The following NKD1 variants were observed in gnomAD, a reference collection of about 807,000 sequenced individuals.
The protein encoded by NKD1 is NKD inhibitor of Wnt signaling pathway 1.
In NKD1, 21 loss-of-function variants were observed where a neutral mutation model predicts 56.0. The ratio of observed to expected loss-of-function variants is 0.38; its 90% confidence interval spans 0.27 to 0.54. The LOEUF (loss-of-function observed/expected upper bound fraction) is 0.54, where lower values mean the gene tolerates loss of function less well. Among genes scored for constraint, NKD1 ranks in the 20% least tolerant of loss-of-function variants. NKD1 has a pLI of 0.82. For synonymous variants in NKD1, 263 were observed against 265.7 expected, an observed-to-expected ratio of 0.99 and a Z score of 0.10; for missense variants, 578 against 642.7, an observed-to-expected ratio of 0.90 and a Z score of 1.09.
intron 3 of NKD1, chr16:50,574,499 C>T: frequency 1.0e-6 from 1 of 985,448 alleles, no homozygotes; most frequent in African/African-American, 1.7e-5. Flanking sequence ...CATTTTGCTC[C>T]TCCTGCTGCT....
chr16:50,570,973 GTATCC>G, intron 3 of NKD1: 2 of 985,434 alleles, frequency 2.0e-6, no homozygotes, highest in Non-Finnish European at 2.4e-6. Flanking sequence ...CTGGCTGGTG[GTATCC>G]TTCACTGGGC....
At chr16:50,630,776 G>A in intron 7 of NKD1, 50 bp from the exon 8 acceptor site, 1 of 1,491,046 alleles carries the variant, frequency 6.7e-7, no homozygotes, top group Non-Finnish European at 9.1e-7. Flanking sequence ...GGGGAGGGTG[G>A]GAGCAGGCAG....
chr16:50,564,506 T>A (rs1055832551), intron 3 of NKD1, among the ~76,000 whole-genome samples: 12 of 152,180 alleles, frequency 7.9e-5, no homozygotes, highest in African/African-American at 2.2e-4. Context: ...TCAAAATTAT[T>A]ATTATGGGGA....
Position 50,638,442 on chromosome 16 carries a change from C to T in NKD1, c.*4661C>T, listed in dbSNP as rs1454076569. On this transcript the variant is annotated 3_prime_UTR_variant, in exon 10 of 10. Coordinates refer to ENST00000268459, the MANE Select transcript of NKD1 (RefSeq NM_033119.5). ...CTCGGCCTCCCCAGACCAGCTGCAC[C>T]CAGCCCCCAACACGCACCCCTTCTC... 1.3e-5 allele frequency: 2 copies of T among 152,734 alleles called. No individual in the cohort carries two copies. Among genetic ancestry groups the T allele is most frequent in the Admixed American group, 1.3e-4 (2 of 15,288 alleles). 9.5% of individuals were successfully genotyped at this position (152,734 alleles called of 1,614,324 possible).
chr16:50,644,682 C>T lies in NKD1; in HGVS notation c.*10901C>T, dbSNP rs1412842660. 3 of 152,236 alleles carry T rather than the reference C, an allele frequency of 2.0e-5. No individual in the cohort carries two copies. Among genetic ancestry groups the T allele is most frequent in the African/African-American group, 7.2e-5 (3 of 41,458 alleles). 9.4% of individuals were successfully genotyped at this position (152,236 alleles called of 1,614,324 possible). A position where few individuals can be genotyped will look rare whatever the true frequency, so the allele number is the denominator to read the frequency against. ...TCAAGTCCCCTGGCCAGATCCTCTC[C>T]AGATGGGCCCCTGGCCATCTTAGCC... On this transcript the variant is annotated 3_prime_UTR_variant, in exon 10 of 10. Coordinates refer to ENST00000268459, the MANE Select transcript of NKD1 (RefSeq NM_033119.5).
chr16:50,631,999 C>G (rs893933256), intron 8 of NKD1, among the ~76,000 whole-genome samples: 16 of 152,356 alleles, frequency 1.1e-4, no homozygotes, highest in African/African-American at 3.6e-4. Flanking sequence ...TAACCTCTCA[C>G]GTTTGCTTTG....
chr16:50,643,132 C>T lies in NKD1; in HGVS notation c.*9351C>T, dbSNP rs1962613685. The T allele has an allele frequency of 6.6e-6, 1 of 152,212 alleles. No individual in the cohort carries two copies. Among genetic ancestry groups the T allele is most frequent in the Non-Finnish European group, 1.5e-5 (1 of 68,042 alleles). The allele number at this position is 152,212 out of a possible 1,614,324, so 9.4% of individuals were successfully genotyped here. A position where few individuals can be genotyped will look rare whatever the true frequency, so the allele number is the denominator to read the frequency against. ...ATGCTTCGCTACCCTACATCTGGGT[C>T]TGTCCTTGCCCAACTCCTAAGCTGC... On this transcript the variant is annotated 3_prime_UTR_variant, in exon 10 of 10. Coordinates refer to ENST00000268459, the MANE Select transcript of NKD1 (RefSeq NM_033119.5).
chr16:50,594,961 A>G (rs145389971), intron 3 of NKD1, among the ~76,000 whole-genome samples: 11 of 152,332 alleles, frequency 7.2e-5, no homozygotes, highest in African/African-American at 2.6e-4. Context: ...AAGTCCACGC[A>G]GCATTCCCCA....
intron 3 of NKD1, among the ~76,000 whole-genome samples, chr16:50,599,193 G>GGGAA (rs1236685372): frequency 6.6e-6 from 1 of 152,154 alleles, no homozygotes; most frequent in Non-Finnish European, 1.5e-5. Flanking sequence ...GAGCATGTGA[G>GGGAA]GGAAGAGAAT....
intron 3 of NKD1, among the ~76,000 whole-genome samples, chr16:50,599,472 C>G (rs1426383414): frequency 6.6e-6 from 1 of 152,202 alleles, no homozygotes; most frequent in African/African-American, 2.4e-5. Context: ...CACTTAACCT[C>G]TCTAAGCCTC....
intron 3 of NKD1, among the ~76,000 whole-genome samples, chr16:50,559,527 C>T (rs1431474137): frequency 6.6e-6 from 1 of 152,000 alleles, no homozygotes; most frequent in Non-Finnish European, 1.5e-5. Flanking sequence ...GACTTGGAAC[C>T]ACATTCCAGT....
chr16:50,584,406 C>A (rs1158003518), intron 3 of NKD1, among the ~76,000 whole-genome samples: 2 of 152,212 alleles, frequency 1.3e-5, no homozygotes, highest in Admixed American at 6.5e-5. Flanking sequence ...TAGGCATGAA[C>A]AAATTAGTAC....
rs1486091427 is a variant in NKD1 at position 50,640,304 on chromosome 16, C to T, written c.*6523C>T. ...ATTCCTCATCCCCAAGCCCTGGCATCCCCCTGTTCTTCTAAAATAATTCTT... is the reference window on the plus strand; with the variant it reads ...ATTCCTCATCCCCAAGCCCTGGCATTCCCCTGTTCTTCTAAAATAATTCTT... On this transcript the variant is annotated 3_prime_UTR_variant, in exon 10 of 10. Transcript: ENST00000268459. The T allele has an allele frequency of 6.6e-6, 1 of 152,262 alleles. No homozygotes were observed. Among genetic ancestry groups the T allele is most frequent in the Non-Finnish European group, 1.5e-5 (1 of 68,078 alleles). The allele number at this position is 152,262 out of a possible 1,614,324, so 9.4% of individuals were successfully genotyped here.
At chr16:50,549,765 C>A (rs1052756247) in intron 3 of NKD1, among the ~76,000 whole-genome samples, 11 of 152,190 alleles carry the variant, frequency 7.2e-5, no homozygotes, top group African/African-American at 2.7e-4. Flanking sequence ...AGAGGGCTGC[C>A]TGGGGGAAAG....
chr16:50,604,618 G>T (rs190733598), intron 3 of NKD1, among the ~76,000 whole-genome samples: 2 of 152,184 alleles, frequency 1.3e-5, no homozygotes, highest in Non-Finnish European at 2.9e-5. Context: ...GGGAGACTGA[G>T]GTGCACTAGA....
chr16:50,566,159 A>C lies in NKD1; in HGVS notation c.192+16604A>C, dbSNP rs1960754604. On this transcript the variant is annotated intron_variant, in intron 3 of 9. Coordinates refer to ENST00000268459, the MANE Select transcript of NKD1 (RefSeq NM_033119.5). ...AAGTAGGTGTGAACTTTCTCTGTGG[A>C]TCCGTTGGGACCTTTTGGATTTCAA... The C allele has an allele frequency of 4.1e-6, 4 of 985,246 alleles. No homozygotes were observed. The South Asian group carries it at 1.4e-4, about 35-fold the overall frequency. 61.0% of individuals were successfully genotyped at this position (985,246 alleles called of 1,614,324 possible). A position where few individuals can be genotyped will look rare whatever the true frequency, so the allele number is the denominator to read the frequency against.
At chr16:50,574,041 CT>C in intron 3 of NKD1, 2 of 885,566 alleles carry the variant, frequency 2.3e-6, no homozygotes, top group Non-Finnish European at 2.7e-6. Context: ...CTTTTCAGTA[CT>C]TTTTGAAATA....
chr16:50,640,192 C>T lies in NKD1; in HGVS notation c.*6411C>T, dbSNP rs12918439. ...TGGAGGAACTGCCAGGAACTAAGGG[C>T]GAGCACTGGAGAAGGCAACCTGGGA... On this transcript the variant is annotated 3_prime_UTR_variant, in exon 10 of 10. Transcript: ENST00000268459. 9.3e-3 allele frequency: 1,409 copies of T among 152,302 alleles called. 3 individuals carry two copies. Among genetic ancestry groups the T allele is most frequent in the Admixed American group, 0.019 (297 of 15,298 alleles). 9.4% of individuals were successfully genotyped at this position (152,302 alleles called of 1,614,324 possible).
chr16:50,548,717 C>T lies in NKD1; in HGVS notation c.26C>T (p.Ala9Val). The T allele has an allele frequency of 1.4e-6, 2 of 1,456,502 alleles. No homozygotes were observed. The highest frequency in any genetic ancestry group is 2.7e-5 in the Admixed American group (1 of 36,652). The allele number at this position is 1,456,502 out of a possible 1,614,324, so 90.2% of individuals were successfully genotyped here. A position where few individuals can be genotyped will look rare whatever the true frequency, so the allele number is the denominator to read the frequency against. MGKLHSKP[A>V]AVCKRRESPE... is the part of the protein sequence containing the mutation. Reference sequence around the variant, plus strand: ...CCGCCGCCTCGCGATGTGCCTGCAGCCGCCGTGTGCAAGCGCAGGGAGAGC... The same window carrying T: ...CCGCCGCCTCGCGATGTGCCTGCAGTCGCCGTGTGCAAGCGCAGGGAGAGC... The change falls in exon 2 of 10, where the codon GCC becomes GTC. Residue 9 changes from alanine (A) to valine (V), a missense_variant and splice_region_variant. By Grantham distance (64) the Ala-to-Val change is moderately conservative. Transcript: ENST00000268459.
Sources: gnomAD v4.1 joint callset for allele counts (sites outside exome capture counted in the v4.1 genomes callset) on GRCh38, gnomAD v4.1.1 for gene constraint, MANE v1.5 for transcripts, NCBI Gene and HGNC (gene_info 2026-07-23, HGNC 2026-07-21) for gene names.